The following SLC9A2 variants were observed in gnomAD, a reference collection of about 807,000 sequenced individuals.
SLC9A2 encodes the protein sodium/hydrogen exchanger 2.
SLC9A2 carries 42 observed loss-of-function variants against 71.7 expected under a neutral mutation model. That is an observed-to-expected ratio of 0.59 (90% CI 0.46 to 0.76). The LOEUF is 0.76. Ranked by LOEUF, SLC9A2 falls within the 30% of genes least tolerant of loss-of-function variation. The probability of loss-of-function intolerance (pLI) is 0.00; values close to 1 mark genes in which losing one functional copy is unlikely to be tolerated. For missense variants in SLC9A2, 829 were observed against 1,017.4 expected, an observed-to-expected ratio of 0.81 and a Z score of 2.52; for synonymous variants, 396 against 392.5, an observed-to-expected ratio of 1.01 and a Z score of -0.10.
At chr2:102,638,050 A>T (rs1293317466) in intron 1 of SLC9A2, among the ~76,000 whole-genome samples, 1 of 152,184 alleles carries the variant, frequency 6.6e-6, no homozygotes, top group African/African-American at 2.4e-5. Context: ...TTCCAAGATA[A>T]CTTGGACAGA....
At chr2:102,661,098 T>C (rs893312246) in intron 2 of SLC9A2, among the ~76,000 whole-genome samples, 1 of 152,206 alleles carries the variant, frequency 6.6e-6, no homozygotes, top group Non-Finnish European at 1.5e-5. Context: ...GACATGACAA[T>C]TGAAAAAAAT....
chr2:102,671,717 A>T (rs1327983987), intron 3 of SLC9A2, among the ~76,000 whole-genome samples: 1 of 152,232 alleles, frequency 6.6e-6, no homozygotes, highest in Non-Finnish European at 1.5e-5. Context: ...GTAGGTTGTC[A>T]CTTCTTTCCT....
Position 102,708,175 on chromosome 2 carries a change from C to A in SLC9A2, c.2125C>A (p.Pro709Thr). ...CGGGACCACCGTGCTCAATTTGCAGCCCAGAGCCAGGCGCTTCTTGCCAGA... is the reference window on the plus strand; with the variant it reads ...CGGGACCACCGTGCTCAATTTGCAGACCAGAGCCAGGCGCTTCTTGCCAGA... ...DAGTTVLNLQ[P>T]RARRFLPEQF... Residue 709 changes from proline to threonine, a missense_variant, in exon 12 of 12, where the codon CCC (proline) becomes ACC (threonine). By Grantham distance (38) the Pro-to-Thr change is conservative. Around this residue, in one of 3 missense-constraint regions of SLC9A2, gnomAD observed 223 missense variants for 197.5 expected, o/e 1.13. Transcript: ENST00000233969. 6.2e-7 allele frequency: 1 copy of A among 1,614,130 alleles called. No homozygotes were observed. The highest frequency in any genetic ancestry group is 8.5e-7 in the Non-Finnish European group (1 of 1,180,012).
intron 10 of SLC9A2, among the ~76,000 whole-genome samples, chr2:102,705,033 C>T (rs901969137): frequency 1.1e-4 from 16 of 151,940 alleles, no homozygotes; most frequent in African/African-American, 3.6e-4. Context: ...GAAACCCCAT[C>T]TCTACTAAAA....
At chr2:102,683,661 C>T (rs912115709) in intron 4 of SLC9A2, among the ~76,000 whole-genome samples, 183 bp downstream of exon 4, 13 of 151,834 alleles carry the variant, frequency 8.6e-5, no homozygotes, top group Admixed American at 7.2e-4. Context: ...TCTCCTATAT[C>T]CTCCTCTTCC....
intron 11 of SLC9A2, among the ~76,000 whole-genome samples, chr2:102,707,317 G>A (rs1406446164): frequency 1.9e-5 from 1 of 51,920 alleles, no homozygotes; most frequent in Non-Finnish European, 4.4e-5. Context: ...TTTTTTTTTT[G>A]CTTGTTTATT....
At chr2:102,699,168 G>A (rs1486937108) in intron 7 of SLC9A2, among the ~76,000 whole-genome samples, 1 of 152,168 alleles carries the variant, frequency 6.6e-6, no homozygotes, top group Non-Finnish European at 1.5e-5. Context: ...GATAGGAAGG[G>A]CACTTGTGAG....
intron 5 of SLC9A2, among the ~76,000 whole-genome samples, chr2:102,684,786 A>G (rs544314175): frequency 1.3e-5 from 2 of 152,338 alleles, no homozygotes; most frequent in East Asian, 1.9e-4. Context: ...CTGTGTCCAG[A>G]TCCCTACTTT....
At chr2:102,657,217 T>A (rs11677922) in intron 1 of SLC9A2, among the ~76,000 whole-genome samples, 35,428 of 147,564 alleles carry the variant, frequency 0.24, 4,404 homozygotes, top group East Asian at 0.4. Flanking sequence ...AAAAAAAAAA[T>A]AATAATAATA....
intron 7 of SLC9A2, among the ~76,000 whole-genome samples, chr2:102,696,835 C>T (rs754807344): frequency 6.6e-6 from 1 of 152,140 alleles, no homozygotes; most frequent in Non-Finnish European, 1.5e-5. Flanking sequence ...ATTATATTCT[C>T]CATTGTAAAA....
intron 1 of SLC9A2, among the ~76,000 whole-genome samples, chr2:102,645,111 C>G (rs191096522): frequency 1.3e-5 from 2 of 152,290 alleles, no homozygotes; most frequent in Non-Finnish European, 2.9e-5. Context: ...GAGCAGGCAC[C>G]AATCTTTGCT....
At position 102,708,438 on chromosome 2, in the gene SLC9A2, G is replaced by T; in HGVS notation, c.2388G>T (p.Arg796Ser). ...PPKPPPRLVW[R>S]ASEPGSRKAR... is the part of the protein sequence containing the mutation. ...AGCCGCCACCACGGCTGGTCTGGAG[G>T]GCATCGGAACCTGGAAGCCGGAAAG... The change falls in exon 12 of 12, where the codon AGG becomes AGT. Residue 796 changes from arginine (R) to serine (S), a missense_variant. Physicochemically the swap from Arg to Ser is moderately radical, Grantham distance 110 (BLOSUM62 -1). Transcript: ENST00000233969. 1 of 1,614,174 alleles carries T rather than the reference G, an allele frequency of 6.2e-7. No homozygotes were observed. Among genetic ancestry groups the T allele is most frequent in the Non-Finnish European group, 8.5e-7 (1 of 1,180,044 alleles).
intron 4 of SLC9A2, 131 bp downstream of exon 4, chr2:102,683,609 A>G (rs1269562558): frequency 8.6e-6 from 6 of 699,148 alleles, no homozygotes; most frequent in Non-Finnish European, 1.5e-5. Context: ...TTTCTTACCT[A>G]CGTCTTCCTC....
At chr2:102,687,882 G>T (rs1242678158) in intron 5 of SLC9A2, among the ~76,000 whole-genome samples, 1 of 151,894 alleles carries the variant, frequency 6.6e-6, no homozygotes, top group Non-Finnish European at 1.5e-5. Context: ...AGGTTCCAGC[G>T]ATTCTCCTGC....
chr2:102,674,566 T>A lies in SLC9A2; in HGVS notation c.1005-8695T>A, dbSNP rs182352491. Reference sequence around the variant, plus strand: ...GGCCAAGTGGCCCTGATTCTGTCTTTCCACTTGTGTCCTCACAGTTAATCC... The same window carrying A: ...GGCCAAGTGGCCCTGATTCTGTCTTACCACTTGTGTCCTCACAGTTAATCC... On this transcript the variant is annotated intron_variant, in intron 3 of 11. Transcript: ENST00000233969. Among the ~76,000 whole-genome samples, 1,015 of 152,336 alleles carry A rather than the reference T, an allele frequency of 6.7e-3. 6 individuals carry two copies. The highest frequency in any genetic ancestry group is 0.011 in the Non-Finnish European group (752 of 68,036).
chr2:102,654,278 A>C (rs1482490962), intron 1 of SLC9A2, among the ~76,000 whole-genome samples: 1 of 150,300 alleles, frequency 6.7e-6, no homozygotes, highest in Admixed American at 6.6e-5. Flanking sequence ...CATAGAAGCA[A>C]GAGTCAGCTT....
At chr2:102,667,907 TA>T (rs947781724) in intron 3 of SLC9A2, among the ~76,000 whole-genome samples, 20 of 147,248 alleles carry the variant, frequency 1.4e-4, no homozygotes, top group Admixed American at 2.0e-4. Context: ...CCGTCTCTAC[TA>T]AAAAAAAAAT....
intron 1 of SLC9A2, among the ~76,000 whole-genome samples, chr2:102,649,731 A>G (rs1558707166): frequency 6.6e-6 from 1 of 152,204 alleles, no homozygotes; most frequent in Non-Finnish European, 1.5e-5. Flanking sequence ...GCTCATCATC[A>G]CTAGTCATTA....
Position 102,665,182 on chromosome 2 carries a change from T to G in SLC9A2, c.836T>G (p.Phe279Cys). ...IDVFAGIANF[F>C]VVGIGGVLIG... is the part of the protein sequence containing the mutation. The stretch of plus-strand genomic sequence containing the variant: ...GTGTTTGCAGGAATCGCCAACTTCT[T>G]TGTTGTGGGAATCGGTGGGGTGCTG... The change falls in exon 3 of 12, where the codon TTT (phenylalanine) becomes TGT (cysteine). Residue 279 changes from phenylalanine (F) to cysteine (C), a missense_variant. Phe to Cys is a radical substitution (Grantham distance 205). Transcript: ENST00000233969. The G allele has an allele frequency of 6.2e-7, 1 of 1,614,084 alleles. No individual in the cohort carries two copies. The highest frequency in any genetic ancestry group is 1.1e-5 in the South Asian group (1 of 91,082).
Sources: allele counts gnomAD v4.1 joint callset (sites outside exome capture counted in the v4.1 genomes callset), GRCh38; gene constraint gnomAD v4.1.1; regional missense constraint gnomAD v4.1.1; transcripts MANE v1.5; gene names NCBI Gene and HGNC (gene_info 2026-07-23, HGNC 2026-07-21).